The following ZBTB37 variants were observed in gnomAD, a reference collection of about 807,000 sequenced individuals.
ZBTB37 encodes zinc finger and BTB domain containing 37.
In ZBTB37, 15 loss-of-function variants were observed where a neutral mutation model predicts 37.7. The ratio of observed to expected loss-of-function variants is 0.40; its 90% CI spans 0.27 to 0.61. ZBTB37 has a LOEUF of 0.61. ZBTB37 is among the 20% of genes least tolerant of loss of function. The pLI, the probability that ZBTB37 is intolerant of heterozygous loss-of-function variation, is 0.44. For synonymous variants in ZBTB37, 231 were observed against 220.6 expected (o/e 1.05, Z -0.42); for missense variants, 514 against 641.9 (o/e 0.80, Z 2.15).
exon 4 of ZBTB37, chr1:173,893,825 G>C (rs768853695): frequency 1.3e-5 from 2 of 152,336 alleles, no homozygotes; most frequent in Middle Eastern, 6.8e-3. Flanking sequence ...GCTAACACTA[G>C]AGTTGCCTCT....
exon 4 of ZBTB37, chr1:173,900,475 C>G (rs1657213124): frequency 6.6e-6 from 1 of 152,146 alleles, no homozygotes; most frequent in Non-Finnish European, 1.5e-5. Context: ...AACCACTGTT[C>G]AAACTAACTA....
rs538233045 is a variant in ZBTB37 at position 173,871,112 on chromosome 1, C to G, written c.887C>G (p.Ala296Gly). The G allele has an allele frequency of 1.5e-5, 24 of 1,611,868 alleles. No homozygotes were observed. The East Asian group carries it at 4.5e-4, about 30-fold the overall frequency. The change falls in exon 3 of 5, where the codon GCC (alanine) becomes GGC (glycine). Residue 296 changes from alanine to glycine, a missense_variant. Coordinates refer to ENST00000427304, the Ensembl canonical transcript of ZBTB37. ...AATTATACTTTAGGGTCTTCAGGAG[C>G]CAAGGTGGCTCGGCCAACAAGCAGT...
chr1:173,872,309 G>A (rs931433714), intron 3 of ZBTB37, among the ~76,000 whole-genome samples: 2 of 151,958 alleles, frequency 1.3e-5, no homozygotes, highest in Non-Finnish European at 2.9e-5. Context: ...TCCTGACCTC[G>A]TGACCCACCT....
intron 1 of ZBTB37, 176 bp from the exon 2 acceptor site, chr1:173,868,749 C>T (rs902058622): frequency 3.3e-5 from 5 of 153,220 alleles, no homozygotes; most frequent in Admixed American, 2.6e-4. Flanking sequence ...CTTCCTAGTT[C>T]TCACCTGAGC....
At chr1:173,875,565 G>T (rs1190165546) in intron 4 of ZBTB37, among the ~76,000 whole-genome samples, 1 of 151,750 alleles carries the variant, frequency 6.6e-6, no homozygotes, top group Admixed American at 6.6e-5. Flanking sequence ...GAACTCAGGT[G>T]ATCCACCCAC....
exon 4 of ZBTB37, chr1:173,901,189 C>G (rs370316884): frequency 7.4e-6 from 1 of 135,872 alleles, no homozygotes; most frequent in Non-Finnish European, 1.6e-5. Context: ...TTGAGTACTA[C>G]TATTTCACCA....
chr1:173,891,785 A>G (rs1452028632), exon 4 of ZBTB37: 1 of 152,180 alleles, frequency 6.6e-6, no homozygotes, highest in East Asian at 1.9e-4. Context: ...CCTTGCAAGA[A>G]GAGAGAATAA....
exon 5 of ZBTB37, chr1:173,885,902 C>T: frequency 2.6e-6 from 4 of 1,551,872 alleles, no homozygotes; most frequent in Non-Finnish European, 3.5e-6. Flanking sequence ...AGCCCTTTCA[C>T]TGTCATGTCT....
exon 4 of ZBTB37, chr1:173,899,692 C>T (rs565450444): frequency 2.0e-5 from 3 of 152,294 alleles, no homozygotes; most frequent in Non-Finnish European, 2.9e-5. Context: ...TAATGTGCAG[C>T]CAAGGTTGAG....
intron 4 of ZBTB37, among the ~76,000 whole-genome samples, chr1:173,881,913 G>A (rs1188464113): frequency 6.6e-6 from 1 of 151,946 alleles, no homozygotes; most frequent in East Asian, 1.9e-4. Flanking sequence ...TATTAGCCGG[G>A]TGTGGTGGCA....
At chr1:173,890,517 A>T (rs1032856937), downstream of ZBTB37, 1 of 152,176 alleles carries the variant, frequency 6.6e-6, no homozygotes, top group Non-Finnish European at 1.5e-5. Flanking sequence ...AATTGAACTT[A>T]GTCTTTGGAA....
At chr1:173,887,383 T>C (rs1656669002), downstream of ZBTB37, 1 of 152,304 alleles carries the variant, frequency 6.6e-6, no homozygotes, top group Non-Finnish European at 1.5e-5. Context: ...TTTTTAATAA[T>C]ATACTACAGG....
chr1:173,884,077 C>T (rs1656484456), intron 4 of ZBTB37, among the ~76,000 whole-genome samples: 1 of 151,776 alleles, frequency 6.6e-6, no homozygotes, highest in South Asian at 2.1e-4. Context: ...TCATTATTAA[C>T]TCAGGTTAAA....
exon 5 of ZBTB37, chr1:173,885,889 A>G: frequency 6.4e-7 from 1 of 1,551,888 alleles, no homozygotes; most frequent in Non-Finnish European, 8.7e-7. Context: ...CACACAGGCA[A>G]CAAGCCCTTT....
chr1:173,886,298 C>G (rs1656619642), exon 5 of ZBTB37: 5 of 1,015,486 alleles, frequency 4.9e-6, no homozygotes, highest in Non-Finnish European at 5.5e-6. Flanking sequence ...CTAAAGGCTC[C>G]TCCCTTCTTA....
At chr1:173,874,291 T>C (rs557337477) in intron 4 of ZBTB37, among the ~76,000 whole-genome samples, 1 of 151,764 alleles carries the variant, frequency 6.6e-6, no homozygotes, top group East Asian at 1.9e-4. Flanking sequence ...AAGGGAACTT[T>C]CTTAATCTGA....
chr1:173,902,676 A>T (rs1203342014), exon 4 of ZBTB37: 2 of 152,188 alleles, frequency 1.3e-5, no homozygotes, highest in African/African-American at 4.8e-5. Context: ...TTATCACTTA[A>T]GTGTAAACCT....
At chr1:173,875,116 AT>A (rs1655862481) in intron 4 of ZBTB37, among the ~76,000 whole-genome samples, 1 of 137,052 alleles carries the variant, frequency 7.3e-6, no homozygotes, top group Non-Finnish European at 1.6e-5. Context: ...TCTGATTATT[AT>A]GTGTGTGTGT....
exon 3 of ZBTB37, chr1:173,871,045 A>G (rs1161560079): frequency 1.2e-6 from 2 of 1,614,142 alleles, no homozygotes; most frequent in African/African-American, 2.7e-5. Context: ...AGTAACAGCC[A>G]TGGTGATTGA....
Sources: gnomAD v4.1 joint callset for allele counts (sites outside exome capture counted in the v4.1 genomes callset) on GRCh38, gnomAD v4.1.1 for gene constraint, MANE v1.5 for transcripts, NCBI Gene and HGNC (gene_info 2026-07-23, HGNC 2026-07-21) for gene names.